The following CCDC102B variants were observed in gnomAD, a reference collection of about 807,000 sequenced individuals.
The protein encoded by CCDC102B is coiled-coil domain-containing protein 102B.
Under a neutral mutation model 57.4 loss-of-function variants are expected in CCDC102B, and 75 were observed. The observed-to-expected ratio is 1.31, with a 90% CI of 1.08 to 1.58. The LOEUF is 1.58. Among genes scored for constraint, CCDC102B ranks in the 40% most tolerant of loss-of-function variants. The pLI is 0.00. For missense variants in CCDC102B, 636 were observed against 582.6 expected, an observed-to-expected ratio of 1.09 and a Z score of -0.94; for synonymous variants, 206 against 201.9, an observed-to-expected ratio of 1.02 and a Z score of -0.17.
intron 7 of CCDC102B, among the ~76,000 whole-genome samples, chr18:69,032,258 G>T (rs143095138): frequency 6.6e-6 from 1 of 152,150 alleles, no homozygotes; most frequent in Non-Finnish European, 1.5e-5. Flanking sequence ...AATAGTGAAT[G>T]ATGGATTATT....
At chr18:68,912,173 T>C (rs1426343566) in intron 6 of CCDC102B, among the ~76,000 whole-genome samples, 1 of 19,754 alleles carries the variant, frequency 5.1e-5, no homozygotes, top group East Asian at 6.8e-3. Flanking sequence ...GACAGTTTTC[T>C]ACAAAGTAAG....
At chr18:69,052,334 T>C (rs2052727743) in intron 7 of CCDC102B, among the ~76,000 whole-genome samples, 1 of 152,072 alleles carries the variant, frequency 6.6e-6, no homozygotes, top group South Asian at 2.1e-4. Context: ...GGATCCCTTC[T>C]AATTATTGAG....
intron 6 of CCDC102B, among the ~76,000 whole-genome samples, chr18:68,903,051 T>TAAAA (rs1159468442): frequency 6.6e-6 from 1 of 152,138 alleles, no homozygotes; most frequent in South Asian, 2.1e-4. Flanking sequence ...ATCGTCGTAC[T>TAAAA]AAAAAATAAA....
At chr18:68,817,345 G>A (rs1393106385) in intron 1 of CCDC102B, among the ~76,000 whole-genome samples, 1 of 152,194 alleles carries the variant, frequency 6.6e-6, no homozygotes, top group African/African-American at 2.4e-5. Flanking sequence ...AAATTTAAAA[G>A]TAAATTTGGC....
intron 7 of CCDC102B, among the ~76,000 whole-genome samples, chr18:69,026,587 T>C (rs1281853268): frequency 2.7e-5 from 4 of 148,148 alleles, no homozygotes; most frequent in Non-Finnish European, 4.4e-5. Context: ...AAGCCCAGAG[T>C]GCTGAGCCTG....
intron 6 of CCDC102B, among the ~76,000 whole-genome samples, chr18:68,909,669 A>C (rs984572893): frequency 6.6e-6 from 1 of 152,216 alleles, no homozygotes; most frequent in Non-Finnish European, 1.5e-5. Context: ...TTTGAGATTA[A>C]TAAATTTAGT....
chr18:68,819,621 A>G (rs1454949331), intron 1 of CCDC102B, among the ~76,000 whole-genome samples: 1 of 152,004 alleles, frequency 6.6e-6, no homozygotes, highest in African/African-American at 2.4e-5. Context: ...AAAATTTGTG[A>G]GATTTTGACT....
At chr18:69,041,845 T>C (rs1251636607) in intron 7 of CCDC102B, among the ~76,000 whole-genome samples, 1 of 152,086 alleles carries the variant, frequency 6.6e-6, no homozygotes, top group Non-Finnish European at 1.5e-5. Context: ...CTAGTTGTGA[T>C]GTTATTCAGC....
At chr18:68,950,462 A>T (rs2049664784) in intron 6 of CCDC102B, among the ~76,000 whole-genome samples, 1 of 152,194 alleles carries the variant, frequency 6.6e-6, no homozygotes, top group Non-Finnish European at 1.5e-5. Context: ...TGGCTAAAAG[A>T]AAGTATAATA....
intron 7 of CCDC102B, among the ~76,000 whole-genome samples, chr18:69,017,814 G>A (rs961763777): frequency 1.3e-5 from 2 of 152,022 alleles, no homozygotes; most frequent in South Asian, 2.1e-4. Context: ...CCCCTGCCCC[G>A]GGTAACCACC....
chr18:69,011,192 G>A (rs2051506410), intron 7 of CCDC102B, 88 bp downstream of exon 7: 2 of 1,119,842 alleles, frequency 1.8e-6, no homozygotes, highest in South Asian at 3.8e-5. Flanking sequence ...ATTAACATAT[G>A]GCATTAATGG....
intron 1 of CCDC102B, among the ~76,000 whole-genome samples, chr18:68,800,490 C>T (rs149279549): frequency 5.4e-4 from 82 of 152,216 alleles, no homozygotes; most frequent in African/African-American, 1.9e-3. Context: ...TTTAAATTAG[C>T]GGCCCTCAGA....
intron 1 of CCDC102B, among the ~76,000 whole-genome samples, chr18:68,808,763 C>T (rs1037251805): frequency 2.0e-5 from 3 of 152,126 alleles, no homozygotes; most frequent in South Asian, 2.1e-4. Context: ...CAGGCGTGAG[C>T]CACAGCGCCC....
chr18:68,783,622 T>G (rs1568247717), intron 2 of CCDC102B, among the ~76,000 whole-genome samples: 1 of 152,192 alleles, frequency 6.6e-6, no homozygotes, highest in Non-Finnish European at 1.5e-5. Flanking sequence ...GACAGCCTTC[T>G]CTTTCAGATA....
intron 2 of CCDC102B, among the ~76,000 whole-genome samples, chr18:68,778,228 ATC>A (rs1415921070): frequency 6.6e-6 from 1 of 152,162 alleles, no homozygotes; most frequent in Non-Finnish European, 1.5e-5. Context: ...TGAGTTCAAA[ATC>A]TCTCTTTGCC....
At chr18:68,813,403 G>A (rs188720466) in intron 1 of CCDC102B, among the ~76,000 whole-genome samples, 2 of 151,934 alleles carry the variant, frequency 1.3e-5, no homozygotes, top group East Asian at 2.0e-4. Flanking sequence ...GAGATGAGAC[G>A]ATAGAATGAT....
At chr18:68,739,800 A>G (rs1599391688) in intron 2 of CCDC102B, among the ~76,000 whole-genome samples, 3 of 152,242 alleles carry the variant, frequency 2.0e-5, no homozygotes, top group South Asian at 4.2e-4. Context: ...TCCTCCTGTC[A>G]TCTGTCTCTA....
chr18:68,842,459 T>C (rs2037676395), intron 3 of CCDC102B, among the ~76,000 whole-genome samples: 1 of 152,140 alleles, frequency 6.6e-6, no homozygotes, highest in African/African-American at 2.4e-5. Flanking sequence ...CACCTGTGCA[T>C]AGATTATAAA....
intron 7 of CCDC102B, among the ~76,000 whole-genome samples, chr18:69,049,029 T>C (rs947702529): frequency 6.6e-6 from 1 of 151,996 alleles, no homozygotes; most frequent in Middle Eastern, 3.2e-3. Context: ...TCAAAGGTTT[T>C]AAGATTTTCT....
Sources: gnomAD v4.1 joint callset for allele counts (sites outside exome capture counted in the v4.1 genomes callset) on GRCh38, gnomAD v4.1.1 for gene constraint, MANE v1.5 for transcripts, NCBI Gene and HGNC (gene_info 2026-07-23, HGNC 2026-07-21) for gene names.